The following HTR7 variants were observed in gnomAD, a reference collection of about 807,000 sequenced individuals.
HTR7 encodes the protein 5-hydroxytryptamine receptor 7, also known as 5-HT-7.
A neutral mutation model predicts 34.0 loss-of-function variants in HTR7; 16 were observed. That is an observed-to-expected ratio of 0.47 (90% CI 0.32 to 0.71). The LOEUF is 0.71. Among genes scored for constraint, HTR7 ranks in the 30% least tolerant of loss-of-function variants. The probability of loss-of-function intolerance (pLI) is 0.04; values close to 1 mark genes in which losing one functional copy is unlikely to be tolerated. For missense variants in HTR7, 504 were observed against 625.5 expected (o/e 0.81, Z 2.07); for synonymous variants, 265 against 260.2 (o/e 1.02, Z -0.18).
chr10:90,741,813 A>G lies in HTR7; in HGVS notation c.*669T>C, dbSNP rs528688372. On this transcript the variant is annotated 3_prime_UTR_variant, in exon 4 of 4. Coordinates refer to ENST00000336152, the MANE Select transcript of HTR7 (RefSeq NM_019859.4). ...CAGAGCACGAGAAAAAGCTTTGCTC[A>G]TGTTGTATGCTTCTCTCCATCCTGA... The G allele has an allele frequency of 7.2e-5, 11 of 152,794 alleles. No individual in the cohort carries two copies. In the East Asian group the frequency reaches 1.7e-3, roughly 24 times the overall value. The allele number at this position is 152,794 out of a possible 1,614,324, so 9.5% of individuals were successfully genotyped here. A position where few individuals can be genotyped will look rare whatever the true frequency, so the allele number is the denominator to read the frequency against.
At chr10:90,751,117 C>A (rs1446275636) in intron 1 of HTR7, among the ~76,000 whole-genome samples, 6 of 152,144 alleles carry the variant, frequency 3.9e-5, no homozygotes, top group Non-Finnish European at 1.5e-5. Flanking sequence ...TCCCCTTTTC[C>A]TTAATAAAGC....
At chr10:90,804,950 T>C (rs1845680972) in intron 1 of HTR7, among the ~76,000 whole-genome samples, 1 of 152,206 alleles carries the variant, frequency 6.6e-6, no homozygotes, top group Admixed American at 6.5e-5. Context: ...AAGACTCCTC[T>C]GTTGGGAGGA....
At chr10:90,809,154 T>C (rs1291685710) in intron 1 of HTR7, among the ~76,000 whole-genome samples, 5 of 152,010 alleles carry the variant, frequency 3.3e-5, no homozygotes, top group Non-Finnish European at 7.4e-5. Context: ...AGCCCCCTCT[T>C]CTCCACCCTA....
intron 2 of HTR7, 66 bp downstream of exon 2, chr10:90,748,773 T>A: frequency 1.3e-6 from 2 of 1,485,916 alleles, no homozygotes; most frequent in Admixed American, 4.4e-5. Context: ...CTTTCTGTGA[T>A]GTGCCTCAAA....
intron 1 of HTR7, among the ~76,000 whole-genome samples, chr10:90,853,276 CTTT>C (rs1211825774): frequency 7.8e-6 from 1 of 127,640 alleles, no homozygotes; most frequent in African/African-American, 3.2e-5. Context: ...AATTTGATTT[CTTT>C]TTTTTTTCTT....
chr10:90,844,614 C>G (rs2120101621), intron 1 of HTR7, among the ~76,000 whole-genome samples: 1 of 151,180 alleles, frequency 6.6e-6, no homozygotes, highest in East Asian at 2.0e-4. Context: ...GTAGTCCCAG[C>G]TACTCGGGAG....
intron 1 of HTR7, among the ~76,000 whole-genome samples, chr10:90,837,877 C>T (rs1846275593): frequency 6.6e-6 from 1 of 152,148 alleles, no homozygotes; most frequent in Non-Finnish European, 1.5e-5. Context: ...TACTCAAGAT[C>T]ACCAATGACT....
intron 1 of HTR7, among the ~76,000 whole-genome samples, chr10:90,843,677 GT>G (rs111376163): frequency 0.038 from 2,181 of 56,950 alleles, 53 homozygotes; most frequent in African/African-American, 0.21. Context: ...GGAAGGAAAG[GT>G]GGGAGAAAAG....
intron 1 of HTR7, among the ~76,000 whole-genome samples, chr10:90,841,398 C>G (rs373400197): frequency 1.3e-3 from 198 of 152,278 alleles, no homozygotes; most frequent in African/African-American, 4.5e-3. Flanking sequence ...TTCTGTAGGT[C>G]AGAAGTCAAA....
intron 1 of HTR7, among the ~76,000 whole-genome samples, chr10:90,847,045 T>C (rs144505792): frequency 1.2e-3 from 188 of 152,334 alleles, no homozygotes; most frequent in African/African-American, 4.0e-3. Flanking sequence ...GTCTCCACTT[T>C]TATTATTTTC....
At chr10:90,754,686 G>A (rs1589436652) in intron 1 of HTR7, among the ~76,000 whole-genome samples, 1 of 152,282 alleles carries the variant, frequency 6.6e-6, no homozygotes, top group East Asian at 1.9e-4. Context: ...GCATAGAGAG[G>A]GATCGGAAGT....
rs761574748 is a variant in HTR7, at chr10:90,857,521, C to T, written c.151G>A (p.Glu51Lys). The stretch of plus-strand genomic sequence containing the variant: ...GTGGGCGCCGGGCTGGCTGTCACCT[C>T]GCTCAGCAGGTGCGGCGCCCAGGAG... ...AGSWAPHLLS[E>K]VTASPAPTWD... is the part of the protein sequence containing the mutation. Residue 51 changes from glutamate to lysine, a missense_variant, in exon 1 of 4, where the codon GAG becomes AAG. Glu to Lys is a moderately conservative substitution (Grantham distance 56, BLOSUM62 1). This residue lies in a region of HTR7 where 139 missense variants were observed against 117.1 expected (regional missense o/e 1.19). Coordinates refer to ENST00000336152, the MANE Select transcript of HTR7 (RefSeq NM_019859.4). This position sits in a 1 kb window ranked among gnomAD's most constrained non-coding sequence, Gnocchi z 6.5. 1 of 1,610,384 alleles carries T rather than the reference C, an allele frequency of 6.2e-7. No individual in the cohort carries two copies. The highest frequency in any genetic ancestry group is 1.7e-5 in the Admixed American group (1 of 59,722).
chr10:90,784,363 A>G (rs1268459627), intron 1 of HTR7, among the ~76,000 whole-genome samples: 1 of 152,146 alleles, frequency 6.6e-6, no homozygotes, highest in Non-Finnish European at 1.5e-5. Flanking sequence ...TTCTTAGGCA[A>G]GCATCCCAGA....
chr10:90,827,364 A>G (rs1355128715), intron 1 of HTR7, among the ~76,000 whole-genome samples: 1 of 152,224 alleles, frequency 6.6e-6, no homozygotes, highest in African/African-American at 2.4e-5. Flanking sequence ...TGGGCAACAA[A>G]GTGAGACCAT....
At chr10:90,799,730 A>G (rs2119916291) in intron 1 of HTR7, among the ~76,000 whole-genome samples, 1 of 152,178 alleles carries the variant, frequency 6.6e-6, no homozygotes, top group Admixed American at 6.5e-5. Context: ...AGGGTCCCCC[A>G]CCTTTCCATC....
chr10:90,793,911 G>T (rs747364716), intron 1 of HTR7, among the ~76,000 whole-genome samples: 1 of 152,142 alleles, frequency 6.6e-6, no homozygotes, highest in Non-Finnish European at 1.5e-5. Context: ...AAAGATGAAG[G>T]CTGGAAGACT....
intron 1 of HTR7, among the ~76,000 whole-genome samples, chr10:90,850,434 G>A (rs1408460722): frequency 2.6e-5 from 4 of 152,050 alleles, no homozygotes; most frequent in African/African-American, 9.7e-5. Flanking sequence ...ATTTTCTCTG[G>A]AACAAAATAA....
At chr10:90,822,810 T>C (rs556160338) in intron 1 of HTR7, among the ~76,000 whole-genome samples, 1 of 152,296 alleles carries the variant, frequency 6.6e-6, no homozygotes, top group South Asian at 2.1e-4. Flanking sequence ...ACATGTCACC[T>C]GGTGTCCTAG....
chr10:90,789,423 A>G (rs1167749161), intron 1 of HTR7, among the ~76,000 whole-genome samples: 2 of 152,328 alleles, frequency 1.3e-5, no homozygotes, highest in Non-Finnish European at 2.9e-5. Context: ...TCTGCCCACA[A>G]TAAAACTGTG....
Sources: gnomAD v4.1 joint callset for allele counts (sites outside exome capture counted in the v4.1 genomes callset) on GRCh38, gnomAD v4.1.1 for gene constraint, gnomAD v4.1.1 regional missense constraint, Gnocchi (gnomAD v3.1) non-coding constraint, MANE v1.5 for transcripts, NCBI Gene and HGNC (gene_info 2026-07-23, HGNC 2026-07-21) for gene names.